Variants in PTK2 observed in about 807,000 individuals in gnomAD.
PTK2 encodes focal adhesion kinase 1.
Under a neutral mutation model 150.1 loss-of-function variants are expected in PTK2, and 45 were observed. The observed-to-expected ratio is 0.30, with a 90% CI of 0.24 to 0.38. The LOEUF is 0.38. PTK2 is among the 10% of genes least tolerant of loss of function. The pLI is 1.00. For missense variants in PTK2, 919 were observed against 1,307.3 expected (o/e 0.70, Z 4.58); for synonymous variants, 432 against 449.2 (o/e 0.96, Z 0.48).
chr8:140,894,355 A>T (rs1024860978), intron 2 of PTK2, among the ~76,000 whole-genome samples: 1 of 152,198 alleles, frequency 6.6e-6, no homozygotes, highest in Non-Finnish European at 1.5e-5. Flanking sequence ...TTTATAAGCC[A>T]CCCAGTTTAT....
intron 8 of PTK2, among the ~76,000 whole-genome samples, chr8:140,824,444 G>A (rs535454332): frequency 3.9e-5 from 6 of 152,268 alleles, no homozygotes; most frequent in Non-Finnish European, 8.8e-5. Context: ...ATCATTCAGA[G>A]TTAGTTTCCT....
At chr8:140,827,048 G>C (rs1413009266) in intron 8 of PTK2, among the ~76,000 whole-genome samples, 2 of 152,064 alleles carry the variant, frequency 1.3e-5, no homozygotes, top group African/African-American at 4.8e-5. Context: ...AAGTCTTCTT[G>C]GTTCTTTTTG....
intron 1 of PTK2, among the ~76,000 whole-genome samples, chr8:140,961,298 A>C (rs1005765885): frequency 1.5e-4 from 23 of 152,220 alleles, no homozygotes; most frequent in East Asian, 9.6e-4. Flanking sequence ...TCTAATCCTA[A>C]AAATAACTCA....
intron 23 of PTK2, among the ~76,000 whole-genome samples, chr8:140,706,883 T>C (rs1218097969): frequency 6.6e-6 from 1 of 152,012 alleles, no homozygotes; most frequent in Non-Finnish European, 1.5e-5. Context: ...ACAAATTAAG[T>C]AAACACAAAC....
At chr8:140,790,388 C>T (rs911217390) in intron 13 of PTK2, among the ~76,000 whole-genome samples, 16 of 152,124 alleles carry the variant, frequency 1.1e-4, no homozygotes, top group African/African-American at 1.9e-4. Context: ...CAAGTCTAAA[C>T]GTGAAATCTG....
At chr8:140,713,896 TA>T (rs1458186053) in intron 23 of PTK2, among the ~76,000 whole-genome samples, 2 of 152,210 alleles carry the variant, frequency 1.3e-5, no homozygotes, top group African/African-American at 4.8e-5. Context: ...ATTATTGATT[TA>T]TTTTTTTGAG....
At chr8:140,661,003 A>G (rs1171003397) in intron 31 of PTK2, among the ~76,000 whole-genome samples, 1 of 152,176 alleles carries the variant, frequency 6.6e-6, no homozygotes, top group Non-Finnish European at 1.5e-5. Context: ...CCTATAATAC[A>G]CTGGAATAAA....
At chr8:140,969,984 C>G (rs2100186668) in intron 1 of PTK2, among the ~76,000 whole-genome samples, 1 of 152,248 alleles carries the variant, frequency 6.6e-6, no homozygotes, top group South Asian at 2.1e-4. Flanking sequence ...CCTCTGGAGG[C>G]AGCTGTAGGC....
At chr8:140,959,256 C>T (rs1340348986) in intron 1 of PTK2, among the ~76,000 whole-genome samples, 1 of 151,664 alleles carries the variant, frequency 6.6e-6, no homozygotes, top group Non-Finnish European at 1.5e-5. Flanking sequence ...GTAGGCCGGG[C>T]GCAGTGGCTC....
In PTK2 at chr8:140,995,786, T is replaced by C. The variant is rs1352828333; in HGVS notation, c.-122+5339A>G. On this transcript the variant is annotated intron_variant, in intron 1 of 31. Transcript: ENST00000522684. Reference sequence around the variant, plus strand: ...AAGCGAGACTCTGTCTCAAAATAAATAAATAAAATAAAATAAAATAAAAAA... The same window carrying C: ...AAGCGAGACTCTGTCTCAAAATAAACAAATAAAATAAAATAAAATAAAAAA... Among the ~76,000 whole-genome samples, 3 of 151,356 alleles carry C rather than the reference T, an allele frequency of 2.0e-5. No homozygotes were observed. In the East Asian group the frequency reaches 5.8e-4, roughly 29 times the overall value.
chr8:140,674,006 A>G (rs2100012144), intron 29 of PTK2: 4 of 521,590 alleles, frequency 7.7e-6, no homozygotes. Flanking sequence ...TAAAGAAAAC[A>G]TTCTGTCTGA....
chr8:140,920,939 C>G lies in PTK2; in HGVS notation c.-33+4722G>C, dbSNP rs537602637. ...ACACCCAATCCTATAAAGATCAAGC[C>G]AGGAGTCTGCACACAAAGTCCCAGT... On this transcript the variant is annotated intron_variant, in intron 2 of 31. Coordinates refer to ENST00000522684, the Ensembl canonical transcript of PTK2. The G allele has an allele frequency of 2.0e-6, 3 of 1,472,242 alleles. No individual in the cohort carries two copies. The African/African-American group carries it at 4.4e-5, about 21-fold the overall frequency. 91.2% of individuals were successfully genotyped at this position (1,472,242 alleles called of 1,614,324 possible). A position where few individuals can be genotyped will look rare whatever the true frequency, so the allele number is the denominator to read the frequency against.
At chr8:140,716,558 G>A (rs1303123250) in intron 23 of PTK2, among the ~76,000 whole-genome samples, 1 of 152,140 alleles carries the variant, frequency 6.6e-6, no homozygotes, top group Admixed American at 6.5e-5. Flanking sequence ...CTGCATAATT[G>A]TGTTAATCAC....
chr8:140,960,187 C>CT (rs371999950), intron 1 of PTK2, among the ~76,000 whole-genome samples: 3 of 72,348 alleles, frequency 4.1e-5, no homozygotes, highest in African/African-American at 1.9e-4. Context: ...CAATTTTAAA[C>CT]TTTTTTTTTT....
At chr8:140,983,649 A>G (rs370033872) in intron 1 of PTK2, among the ~76,000 whole-genome samples, 1 of 143,420 alleles carries the variant, frequency 7.0e-6, no homozygotes, top group South Asian at 2.5e-4. Context: ...TGTCCTAGAG[A>G]GAGGGAAGTG....
chr8:140,688,527 C>A (rs2100021302), intron 26 of PTK2, among the ~76,000 whole-genome samples: 1 of 151,820 alleles, frequency 6.6e-6, no homozygotes, highest in South Asian at 2.1e-4. Context: ...CCAGCCTGGG[C>A]AACATAGTGA....
At chr8:140,938,332 T>G (rs1028862072) in intron 1 of PTK2, among the ~76,000 whole-genome samples, 33 of 152,150 alleles carry the variant, frequency 2.2e-4, no homozygotes, top group African/African-American at 8.0e-4. Context: ...GGTATCTAAG[T>G]TGCTGCACAA....
At chr8:140,663,001 C>T (rs1417921596) in intron 31 of PTK2, 4 of 385,584 alleles carry the variant, frequency 1.0e-5, no homozygotes, top group Admixed American at 4.3e-5. Flanking sequence ...CCTGGTCTGG[C>T]TCTCACAGGC....
intron 22 of PTK2, 94 bp from the exon 26 acceptor site, chr8:140,717,803 C>A: frequency 2.2e-6 from 2 of 928,388 alleles, no homozygotes; most frequent in Non-Finnish European, 1.8e-6. Flanking sequence ...CACCAGTTGG[C>A]TAACAGTAGA....
Sources: gnomAD v4.1 joint callset for allele counts (sites outside exome capture counted in the v4.1 genomes callset) on GRCh38, gnomAD v4.1.1 for gene constraint, MANE v1.5 for transcripts, NCBI Gene and HGNC (gene_info 2026-07-23, HGNC 2026-07-21) for gene names.